CEP250: variants seen among roughly 807,000 people sequenced by gnomAD.
The protein encoded by CEP250 is centrosomal protein 250, also known as centrosome-associated protein CEP250.
In CEP250, 242 loss-of-function variants were observed where a neutral mutation model predicts 315.7. The ratio of observed to expected loss-of-function variants is 0.77; its 90% confidence interval spans 0.69 to 0.85. CEP250 has a LOEUF of 0.85. CEP250 is among the 40% of genes least tolerant of loss of function. CEP250 has a pLI of 0.00. For synonymous variants in CEP250, 1,088 were observed against 1,175.0 expected (o/e 0.93, Z 1.51); for missense variants, 2,515 against 2,886.4 (o/e 0.87, Z 2.95).
chr20:35,498,028 G>C lies in CEP250; in HGVS notation c.3616G>C (p.Gly1206Arg), dbSNP rs377013576. 120 of 1,598,322 alleles carry C rather than the reference G, an allele frequency of 7.5e-5. No individual in the cohort carries two copies. The highest frequency in any genetic ancestry group is 7.4e-5 in the Non-Finnish European group (86 of 1,168,826). ...TGAGAGCAGGCCTGAGCTGAGTGGTGGGGGAGACTCTGCTCCTTCCGTCTG... is the reference window on the plus strand; with the variant it reads ...TGAGAGCAGGCCTGAGCTGAGTGGTCGGGGAGACTCTGCTCCTTCCGTCTG... ...VCESRPELSGGGDSAPSVWGL... is the reference protein window; with the variant it reads ...VCESRPELSGRGDSAPSVWGL... Residue 1206 changes from glycine (G) to arginine (R), a missense_variant, in exon 26 of 35, where the codon GGG becomes CGG. Physicochemically the swap from Gly to Arg is moderately radical, Grantham distance 125 (BLOSUM62 -2). Transcript: ENST00000397527.
chr20:35,510,469 CA>C (rs1478417125), intron 34 of CEP250, among the ~76,000 whole-genome samples: 1 of 152,218 alleles, frequency 6.6e-6, no homozygotes, highest in Admixed American at 6.5e-5. Context: ...CCAGGCCACA[CA>C]GCTCAGCTCA....
upstream of CEP250, chr20:35,455,252 C>T (rs944989902): frequency 9.2e-5 from 14 of 152,356 alleles, no homozygotes; most frequent in African/African-American, 3.4e-4. Flanking sequence ...GGTGGGGCCT[C>T]AGGGGCAGGT....
At position 35,496,704 on chromosome 20, in the gene CEP250, C is replaced by T; in HGVS notation, c.3295C>T (p.Leu1099Phe). The T allele has an allele frequency of 1.9e-6, 3 of 1,613,722 alleles. No homozygotes were observed. The highest frequency in any genetic ancestry group is 1.7e-6 in the Non-Finnish European group (2 of 1,179,840). Residue 1099 changes from leucine (L) to phenylalanine (F), a missense_variant, in exon 25 of 35, where the codon CTC becomes TTC. Transcript: ENST00000397527. ...MQEAQGEQKE[L>F]SAQMELLRQE... is the part of the protein sequence containing the mutation. ...GGAGGCCCAGGGAGAACAGAAAGAG[C>T]TCAGTGCTCAGGTACTTCCCACTCT...
Position 35,467,026 on chromosome 20 carries a change from G to A in CEP250, c.553G>A (p.Val185Met), listed in dbSNP as rs376695125. 3 of 1,613,900 alleles carry A rather than the reference G, an allele frequency of 1.9e-6. No homozygotes were observed. Among genetic ancestry groups the A allele is most frequent in the South Asian group, 1.1e-5 (1 of 91,080 alleles). The change falls in exon 8 of 35, where the codon GTG (valine) becomes ATG (methionine). Residue 185 changes from valine to methionine, a missense_variant. Coordinates refer to ENST00000397527, the MANE Select transcript of CEP250 (RefSeq NM_007186.6). ...GRLLSLWREV[V>M]TFRRHFLEMK... ...CCTTCTCAGTCTATGGCGGGAGGTTGTGACATTCCGACGCCACTTCCTGGA... is the reference window on the plus strand; with the variant it reads ...CCTTCTCAGTCTATGGCGGGAGGTTATGACATTCCGACGCCACTTCCTGGA...
rs75572854 is a variant in CEP250 at position 35,509,405 on chromosome 20, T to A, written c.7008+361T>A. 4.8e-3 allele frequency among the ~76,000 whole-genome samples: 728 copies of A among 152,340 alleles called. 10 individuals carry two copies. Among genetic ancestry groups the A allele is most frequent in the Middle Eastern group, 6.8e-3 (2 of 294 alleles). ...GCTCCTGAGGAGCCTAGGAGCTTGA[T>A]CACAGCTTGATCTCTTAGACCTTTT... On this transcript the variant is annotated intron_variant, in intron 33 of 34. Transcript: ENST00000397527.
chr20:35,461,164 C>G (rs1434903063), intron 3 of CEP250, among the ~76,000 whole-genome samples: 1 of 152,146 alleles, frequency 6.6e-6, no homozygotes, highest in East Asian at 1.9e-4. Context: ...CTGTATATAC[C>G]ATTTTGTTGA....
intron 33 of CEP250, among the ~76,000 whole-genome samples, chr20:35,509,275 T>C (rs566380175): frequency 6.6e-6 from 1 of 152,276 alleles, no homozygotes; most frequent in East Asian, 1.9e-4. Flanking sequence ...CTGAGGGACT[T>C]AGATCTGTGT....
At chr20:35,468,136 A>C (rs1344743979) in intron 9 of CEP250, among the ~76,000 whole-genome samples, 3 of 151,792 alleles carry the variant, frequency 2.0e-5, no homozygotes, top group Non-Finnish European at 4.4e-5. Flanking sequence ...TTTAGTAGAG[A>C]CAGGGTTTCA....
chr20:35,513,355 T>G lies in CEP250; in HGVS notation c.*1729T>G, dbSNP rs2064395622. 1 of 151,588 alleles carries G rather than the reference T, an allele frequency of 6.6e-6. No homozygotes were observed. Among genetic ancestry groups the G allele is most frequent in the African/African-American group, 2.4e-5 (1 of 41,214 alleles). 9.4% of individuals were successfully genotyped at this position (151,588 alleles called of 1,614,324 possible). On this transcript the variant is annotated 3_prime_UTR_variant, in exon 35 of 35. Transcript: ENST00000397527. ...CCAGTGGCAACATCCACCTCCTGGG[T>G]TCAAGCAATTCTCCTGCCTCGGCCT...
rs11908616 is a variant in CEP250, at chr20:35,507,227, C to G, written c.6637-511C>G. ...GAACCACAGGGCACCTAGAAAGTAT[C>G]TAGCATGAGGCTTCCCCATTTATCC... On this transcript the variant is annotated intron_variant, in intron 30 of 34. Transcript: ENST00000397527. 3.5e-3 allele frequency among the ~76,000 whole-genome samples: 536 copies of G among 152,322 alleles called. 1 individual carries two copies. Among genetic ancestry groups the G allele is most frequent in the African/African-American group, 0.012 (519 of 41,580 alleles).
At position 35,469,826 on chromosome 20, in the gene CEP250, T is replaced by C. The variant is rs553844547; in HGVS notation, c.852-64T>C. ...GGTTGGGGCTGGGGCTGGGGTGTGC[T>C]GCATCGTAGCTCTGTCCACATCCAT... On this transcript the variant is annotated intron_variant, in intron 9 of 34. Transcript: ENST00000397527. The C allele has an allele frequency of 1.4e-3, 1,548 of 1,097,002 alleles. 5 individuals are homozygous for C. Among genetic ancestry groups the C allele is most frequent in the Non-Finnish European group, 1.7e-3 (1,262 of 750,146 alleles). The allele number at this position is 1,097,002 out of a possible 1,614,324, so 68.0% of individuals were successfully genotyped here. A position where few individuals can be genotyped will look rare whatever the true frequency, so the allele number is the denominator to read the frequency against.
At chr20:35,491,472 T>TA in intron 22 of CEP250, 126 bp downstream of exon 22, 1 of 1,059,256 alleles carries the variant, frequency 9.4e-7, no homozygotes, top group South Asian at 1.5e-5. Context: ...GACAAGTACA[T>TA]AAAGGTATGG....
At chr20:35,463,939 C>T (rs577294613) in intron 5 of CEP250, among the ~76,000 whole-genome samples, 1 of 152,284 alleles carries the variant, frequency 6.6e-6, no homozygotes, top group Admixed American at 6.5e-5. Context: ...CAGGCCTTTG[C>T]GAGCCTACAG....
chr20:35,464,013 C>T (rs1278535989), intron 5 of CEP250, among the ~76,000 whole-genome samples: 1 of 152,140 alleles, frequency 6.6e-6, no homozygotes, highest in Non-Finnish European at 1.5e-5. Context: ...ATTTATTTGC[C>T]TTTGTTCCAG....
At position 35,493,578 on chromosome 20, in the gene CEP250, CT is replaced by C; in HGVS notation, c.3033+7del. The C allele has an allele frequency of 6.6e-6, 10 of 1,519,214 alleles. No homozygotes were observed. Among genetic ancestry groups the C allele is most frequent in the Non-Finnish European group, 8.8e-6 (10 of 1,133,988 alleles). 94.1% of individuals were successfully genotyped at this position (1,519,214 alleles called of 1,614,324 possible). The stretch of plus-strand genomic sequence containing the variant: ...AGATGGACCTGCAGAAGCAGGTCCC[CT>C]CCTCCTCCCCACCAAGTCCCATGGT... On this transcript the variant is annotated splice_region_variant and intron_variant, in intron 23 of 34. Transcript: ENST00000397527.
In CEP250 at chr20:35,504,502, G is replaced by T; in HGVS notation, c.6133G>T (p.Ala2045Ser). 2 of 1,613,884 alleles carry T rather than the reference G, an allele frequency of 1.2e-6. No individual in the cohort carries two copies. The highest frequency in any genetic ancestry group is 1.7e-6 in the Non-Finnish European group (2 of 1,179,868). Residue 2045 changes from alanine (A) to serine (S), a missense_variant, in exon 30 of 35, where the codon GCC (alanine) becomes TCC (serine). Coordinates refer to ENST00000397527, the MANE Select transcript of CEP250 (RefSeq NM_007186.6). ...EDVQQLQQAL[A>S]QRDEELRHQQ... ...TGTGCAGCAGCTGCAGCAGGCACTT[G>T]CCCAGAGGGATGAAGAGCTGAGACA...
chr20:35,472,617 C>T (rs1012726898), intron 11 of CEP250, 56 bp from the exon 12 acceptor site: 1 of 1,581,886 alleles, frequency 6.3e-7, no homozygotes, highest in Non-Finnish European at 8.7e-7. Flanking sequence ...TTAAGTCCCT[C>T]TATAGACTCT....
chr20:35,491,507 G>A (rs927823435), intron 22 of CEP250, among the ~76,000 whole-genome samples, 161 bp downstream of exon 22: 3 of 152,118 alleles, frequency 2.0e-5, no homozygotes, highest in South Asian at 2.1e-4. Flanking sequence ...GGTAGATCAC[G>A]CCTGTAATCC....
chr20:35,492,049 G>A (rs1017202296), intron 22 of CEP250, among the ~76,000 whole-genome samples: 3 of 152,156 alleles, frequency 2.0e-5, no homozygotes, highest in African/African-American at 4.8e-5. Context: ...GATAAGTGCT[G>A]TAAAGGAAAT....
Sources: allele counts gnomAD v4.1 joint callset (sites outside exome capture counted in the v4.1 genomes callset), GRCh38; gene constraint gnomAD v4.1.1; transcripts MANE v1.5; gene names NCBI Gene and HGNC (gene_info 2026-07-23, HGNC 2026-07-21).